STAU2: variants seen among roughly 807,000 people sequenced by gnomAD.
STAU2 encodes staufen double-stranded RNA binding protein 2, also known as double-stranded RNA-binding protein Staufen homolog 2.
Under a neutral mutation model 65.9 loss-of-function variants are expected in STAU2, and 20 were observed. The ratio of observed to expected loss-of-function variants is 0.30; its 90% CI spans 0.21 to 0.44. The LOEUF (loss-of-function observed/expected upper bound fraction) is 0.44, where lower values mean the gene tolerates loss of function less well. Among genes scored for constraint, STAU2 ranks in the 20% least tolerant of loss-of-function variants. The pLI is 1.00. For synonymous variants in STAU2, 232 were observed against 233.9 expected (o/e 0.99, Z 0.07); for missense variants, 558 against 683.9 (o/e 0.82, Z 2.05).
intron 9 of STAU2, among the ~76,000 whole-genome samples, chr8:73,605,561 G>A (rs985292110): frequency 2.0e-5 from 3 of 151,602 alleles, no homozygotes; most frequent in African/African-American, 4.8e-5. Flanking sequence ...CTTCCACCTC[G>A]GCCTCCCAAA....
chr8:73,663,489 A>T (rs953208650), intron 6 of STAU2, among the ~76,000 whole-genome samples: 5 of 152,112 alleles, frequency 3.3e-5, no homozygotes, highest in African/African-American at 1.2e-4. Flanking sequence ...TTGTAGCTTT[A>T]TAGCAAATCT....
intron 11 of STAU2, among the ~76,000 whole-genome samples, chr8:73,584,244 C>T (rs1390777631): frequency 6.6e-6 from 1 of 152,152 alleles, no homozygotes; most frequent in Non-Finnish European, 1.5e-5. Flanking sequence ...AACACAAATT[C>T]CTGTCTTCAT....
chr8:73,546,377 G>A (rs1180406822), intron 13 of STAU2, among the ~76,000 whole-genome samples: 1 of 152,028 alleles, frequency 6.6e-6, no homozygotes, highest in Non-Finnish European at 1.5e-5. Context: ...AGAAGACTAT[G>A]GGCCACCACC....
intron 1 of STAU2, among the ~76,000 whole-genome samples, chr8:73,740,166 A>G (rs985269709): frequency 1.3e-5 from 2 of 152,172 alleles, no homozygotes; most frequent in East Asian, 1.9e-4. Flanking sequence ...TGCAACCCCA[A>G]CTGACAGCTT....
intron 13 of STAU2, 72 bp downstream of exon 13, chr8:73,551,940 T>C: frequency 4.7e-6 from 7 of 1,480,612 alleles, no homozygotes; most frequent in Non-Finnish European, 6.3e-6. Context: ...GAATGAGCCT[T>C]GTGATGTATA....
At chr8:73,747,166 G>A (rs1807347796), upstream of STAU2, 1 of 509,192 alleles carries the variant, frequency 2.0e-6, no homozygotes, top group Middle Eastern at 5.2e-4. Flanking sequence ...CTGGGCGAGG[G>A]CCATTCCCGG....
intron 13 of STAU2, among the ~76,000 whole-genome samples, chr8:73,491,871 CCTTA>C (rs1283037211): frequency 6.6e-6 from 1 of 151,846 alleles, no homozygotes; most frequent in Non-Finnish European, 1.5e-5. Context: ...CTAAACTTAT[CCTTA>C]AGAAATAAAT....
rs147844289 is a variant in STAU2, at chr8:73,745,763, G to A, written c.-197+1020C>T. ...TTAACCCTTTGGAGTGGGGATGGGG[G>A]TAAGGGGACATCACAGCAAATATGG... On this transcript the variant is annotated intron_variant, in intron 1 of 14. Coordinates refer to ENST00000524300, the MANE Select transcript of STAU2 (RefSeq NM_001164380.2). 6.8e-3 allele frequency among the ~76,000 whole-genome samples: 1,029 copies of A among 152,212 alleles called. 9 individuals carry two copies. The highest frequency in any genetic ancestry group is 0.023 in the African/African-American group (972 of 41,522).
At chr8:73,616,724 G>A (rs577919232) in intron 7 of STAU2, among the ~76,000 whole-genome samples, 16 of 152,170 alleles carry the variant, frequency 1.1e-4, no homozygotes, top group Non-Finnish European at 2.4e-4. Flanking sequence ...CTTGAACCCG[G>A]GAGGCAGAGG....
intron 6 of STAU2, among the ~76,000 whole-genome samples, chr8:73,658,520 T>C (rs1816561537): frequency 6.6e-6 from 1 of 152,364 alleles, no homozygotes; most frequent in South Asian, 2.1e-4. Flanking sequence ...CCAGAATTTA[T>C]TAGACACAAT....
chr8:73,632,844 A>G (rs926696073), intron 6 of STAU2, among the ~76,000 whole-genome samples: 1 of 152,208 alleles, frequency 6.6e-6, no homozygotes, highest in Non-Finnish European at 1.5e-5. Flanking sequence ...AATCAAAATA[A>G]GTATATCCTG....
At chr8:73,467,261 A>G (rs929120914) in intron 13 of STAU2, among the ~76,000 whole-genome samples, 3 of 152,198 alleles carry the variant, frequency 2.0e-5, no homozygotes, top group Non-Finnish European at 2.9e-5. Context: ...GGCCGGGCGC[A>G]GTGGCTCACG....
chr8:73,612,430 T>A (rs1056803113), intron 9 of STAU2, among the ~76,000 whole-genome samples: 5 of 152,312 alleles, frequency 3.3e-5, no homozygotes, highest in Non-Finnish European at 7.4e-5. Context: ...GACTCCAAAG[T>A]TCATTCTCTT....
intron 6 of STAU2, among the ~76,000 whole-genome samples, chr8:73,655,560 G>A (rs1301995576): frequency 6.9e-6 from 1 of 145,186 alleles, no homozygotes; most frequent in Non-Finnish European, 1.5e-5. Context: ...TTCCATGTAA[G>A]TTAGAAAATA....
intron 6 of STAU2, chr8:73,669,174 T>C: frequency 1.5e-6 from 1 of 684,538 alleles, no homozygotes; most frequent in Admixed American, 2.1e-5. Context: ...TGGTTAGGTC[T>C]GCGCTTCTGT....
intron 6 of STAU2, among the ~76,000 whole-genome samples, chr8:73,625,092 T>A (rs1813538199): frequency 6.6e-6 from 1 of 152,126 alleles, no homozygotes; most frequent in Admixed American, 6.5e-5. Flanking sequence ...CATGGCAAAT[T>A]GGAACCCTCA....
rs141961363 is a variant in STAU2, at chr8:73,651,506, C to T, written c.410+21601G>A. On this transcript the variant is annotated intron_variant, in intron 6 of 14. Transcript: ENST00000524300. ...CCTCTTCTCGGAGTCACTGCACGCA[C>T]CCCTGGCTTTCCACTCACCGTCTTC... 1,746 of 733,484 alleles carry T rather than the reference C, an allele frequency of 2.4e-3. 3 individuals carry two copies. The highest frequency in any genetic ancestry group is 3.6e-3 in the Non-Finnish European group (1,483 of 410,226). 45.4% of individuals were successfully genotyped at this position (733,484 alleles called of 1,614,324 possible).
intron 13 of STAU2, among the ~76,000 whole-genome samples, chr8:73,468,094 G>C (rs1240895484): frequency 6.6e-6 from 1 of 152,162 alleles, no homozygotes; most frequent in Non-Finnish European, 1.5e-5. Flanking sequence ...GCATGGTACT[G>C]GTACCAAAAC....
At chr8:73,641,798 T>G (rs997966291) in intron 6 of STAU2, among the ~76,000 whole-genome samples, 4 of 152,346 alleles carry the variant, frequency 2.6e-5, no homozygotes, top group Non-Finnish European at 5.9e-5. Context: ...TTTAGAAAAT[T>G]TTCTAATCTC....
Sources: allele counts gnomAD v4.1 joint callset (sites outside exome capture counted in the v4.1 genomes callset), GRCh38; gene constraint gnomAD v4.1.1; transcripts MANE v1.5; gene names NCBI Gene and HGNC (gene_info 2026-07-23, HGNC 2026-07-21).